IFT172: variants seen among roughly 807,000 people sequenced by gnomAD.
IFT172 encodes intraflagellar transport 172.
Under a neutral mutation model 248.9 loss-of-function variants are expected in IFT172, and 164 were observed. The observed-to-expected ratio is 0.66, with a 90% CI of 0.58 to 0.75. IFT172 has a LOEUF of 0.75. IFT172 is among the 30% of genes least tolerant of loss of function. The probability of loss-of-function intolerance (pLI) is 0.00; values close to 1 mark genes in which losing one functional copy is unlikely to be tolerated. For missense variants in IFT172, 1,950 were observed against 2,192.4 expected, an observed-to-expected ratio of 0.89 and a Z score of 2.21; for synonymous variants, 729 against 791.6, an observed-to-expected ratio of 0.92 and a Z score of 1.33.
Position 27,480,030 on chromosome 2 carries a change from C to T in IFT172, c.905G>A (p.Cys302Tyr), listed in dbSNP as rs1201235224. 1 of 1,613,338 alleles carries T rather than the reference C, an allele frequency of 6.2e-7. No homozygotes were observed. Among genetic ancestry groups the T allele is most frequent in the Non-Finnish European group, 8.5e-7 (1 of 1,179,664 alleles). The change falls in exon 9 of 48, where the codon TGT (cysteine) becomes TAT (tyrosine). Residue 302 changes from cysteine to tyrosine, a missense_variant. Coordinates refer to ENST00000260570, the MANE Select transcript of IFT172 (RefSeq NM_015662.3). ...LAWKRDGSRL[C>Y]VGTLCGGVEQ... is the part of the protein sequence containing the mutation. Reference sequence around the variant, plus strand: ...AAGGGATTACTAGTAACACACCACACAGAGCCGTGAGCCATCCCGCTTCCA... The same window carrying T: ...AAGGGATTACTAGTAACACACCACATAGAGCCGTGAGCCATCCCGCTTCCA...
Position 27,465,837 on chromosome 2 carries a change from T to A in IFT172, c.1738A>T (p.Met580Leu). 6.2e-7 allele frequency: 1 copy of A among 1,614,004 alleles called. No homozygotes were observed. Among genetic ancestry groups the A allele is most frequent in the Non-Finnish European group, 8.5e-7 (1 of 1,179,968 alleles). ...LERGGGKTEV[M>L]VMEGVTTVAY... ...ACAGTAGTCACACCTTCCATCACCA[T>A]CACCTCGGTCTTTCCCCCGCCCCGC... Residue 580 changes from methionine to leucine, a missense_variant, in exon 17 of 48, where the codon ATG becomes TTG. Coordinates refer to ENST00000260570, the MANE Select transcript of IFT172 (RefSeq NM_015662.3).
At chr2:27,484,036 C>T in intron 4 of IFT172, 99 bp from the exon 5 acceptor site, 1 of 1,298,222 alleles carries the variant, frequency 7.7e-7, no homozygotes, top group Non-Finnish European at 1.1e-6. Context: ...ACCTCAATCT[C>T]CTATAGGGAA....
At chr2:27,453,298 G>C (rs1303101159) in intron 35 of IFT172, 86 bp downstream of exon 35, 1 of 1,510,994 alleles carries the variant, frequency 6.6e-7, no homozygotes, top group East Asian at 2.3e-5. Flanking sequence ...GACACAAGAG[G>C]AAAGAGCTGA....
chr2:27,485,602 C>T, intron 1 of IFT172, 99 bp from the exon 2 acceptor site: 1 of 1,383,814 alleles, frequency 7.2e-7, no homozygotes, highest in Non-Finnish European at 9.9e-7. Context: ...GGTCAATTTT[C>T]TTCCTGTCAC....
At position 27,450,102 on chromosome 2, in the gene IFT172, T is replaced by C. The variant is rs908057940; in HGVS notation, c.3952-6A>G. 3 of 1,605,666 alleles carry C rather than the reference T, an allele frequency of 1.9e-6. No individual in the cohort carries two copies. Among genetic ancestry groups the C allele is most frequent in the South Asian group, 2.2e-5 (2 of 90,898 alleles). On this transcript the variant is annotated splice_polypyrimidine_tract_variant and splice_region_variant and intron_variant, in intron 35 of 47. Transcript: ENST00000260570. The stretch of plus-strand genomic sequence containing the variant: ...TTGATGGAGAGTTCAGCTGCCTGAG[T>C]GGTTGAACAGAAGATGGAAATGGGT...
chr2:27,476,848 G>T (rs1433045222), intron 13 of IFT172, 122 bp from the exon 14 acceptor site: 2 of 652,978 alleles, frequency 3.1e-6, no homozygotes, highest in Non-Finnish European at 5.4e-6. Flanking sequence ...TTGAGACAGG[G>T]TCTCACTCTG....
At chr2:27,451,212 C>A (rs1297323518) in intron 35 of IFT172, among the ~76,000 whole-genome samples, 1 of 152,164 alleles carries the variant, frequency 6.6e-6, no homozygotes, top group Non-Finnish European at 1.5e-5. Context: ...TTATGCTAAT[C>A]CCCTCTGGTC....
Position 27,473,323 on chromosome 2 carries a change from T to C in IFT172, c.1412-961A>G, listed in dbSNP as rs1667713333. Reference sequence around the variant, plus strand: ...AGGCAGAGCTTGCAGTGAGCTGAGATCGCGCCACTTCACTCCAGCCTGGAT... The same window carrying C: ...AGGCAGAGCTTGCAGTGAGCTGAGACCGCGCCACTTCACTCCAGCCTGGAT... On this transcript the variant is annotated intron_variant, in intron 14 of 47. Transcript: ENST00000260570. 3.0e-5 allele frequency among the ~76,000 whole-genome samples: 4 copies of C among 132,888 alleles called. No homozygotes were observed. In the Admixed American group the frequency reaches 3.4e-4, roughly 11 times the overall value. The allele number at this position is 132,888 out of a possible 152,430, so 87.2% of individuals were successfully genotyped here. A position where few individuals can be genotyped will look rare whatever the true frequency, so the allele number is the denominator to read the frequency against.
rs1193759615 is a variant in IFT172 at position 27,477,309 on chromosome 2, G to T, written c.1233C>A (p.Ile411=). The T allele has an allele frequency of 6.2e-7, 1 of 1,613,946 alleles. No individual in the cohort carries two copies. The change falls in exon 13 of 48, where the codon ATC becomes ATA. Residue 411 remains isoleucine (I), a synonymous_variant. Coordinates refer to ENST00000260570, the MANE Select transcript of IFT172 (RefSeq NM_015662.3). ...CCAGGGTTAGCTCTCCGGCATTGAA[G>T]ATCATGCATACCTGGGAAAAATGGA... The part of the protein sequence containing the change: ...YFFENENVCM[I]FNAGELTLVE...
chr2:27,448,941 G>C lies in IFT172; in HGVS notation c.4402C>G (p.Gln1468Glu). The change falls in exon 40 of 48, where the codon CAG (glutamine) becomes GAG (glutamate). Residue 1468 changes from glutamine (Q) to glutamate (E), a missense_variant. Physicochemically the swap from Gln to Glu is conservative, Grantham distance 29 (BLOSUM62 2). Transcript: ENST00000260570. Reference protein sequence around the residue: ...SSAQALALYVQHGAPANPQNF... With the variant: ...SSAQALALYVEHGAPANPQNF... ...TGTGGGTTAGCAGGGGCTCCGTGCT[G>C]TACATACAGGGCCAATGCCTGGGCA... 6.3e-7 allele frequency: 1 copy of C among 1,598,096 alleles called. No individual in the cohort carries two copies. The highest frequency in any genetic ancestry group is 8.6e-7 in the Non-Finnish European group (1 of 1,165,232).
In IFT172 at chr2:27,480,167, G is replaced by A. The variant is rs773491435; in HGVS notation, c.786-18C>T. ...CCCGAAGCCTGAAATAAAGTATGTG[G>A]CTTTTAGAAGAGATTGAGGCTGAGC... On this transcript the variant is annotated intron_variant, in intron 8 of 47. Coordinates refer to ENST00000260570, the MANE Select transcript of IFT172 (RefSeq NM_015662.3). 2.5e-6 allele frequency: 4 copies of A among 1,610,334 alleles called. No individual in the cohort carries two copies. The highest frequency in any genetic ancestry group is 3.3e-4 in the Middle Eastern group (2 of 6,038).
Position 27,453,996 on chromosome 2 carries a change from G to C in IFT172, c.3697C>G (p.Leu1233Val), listed in dbSNP as rs1665943696. The change falls in exon 33 of 48, where the codon CTC (leucine) becomes GTC (valine). Residue 1233 changes from leucine to valine, a missense_variant. By Grantham distance (32) the Leu-to-Val change is conservative. Coordinates refer to ENST00000260570, the MANE Select transcript of IFT172 (RefSeq NM_015662.3). ...CAGTGCCCCACCTTATAATAATTGA[G>C]GGCCAGGCCTGGTCTCTGGGCCCGG... ...LLRAQRPGLA[L>V]NYYKEAGLWS... 6.2e-7 allele frequency: 1 copy of C among 1,610,624 alleles called. No homozygotes were observed. Among genetic ancestry groups the C allele is most frequent in the Non-Finnish European group, 8.5e-7 (1 of 1,179,324 alleles).
At chr2:27,480,785 G>A (rs982073424) in intron 8 of IFT172, among the ~76,000 whole-genome samples, 3 of 152,142 alleles carry the variant, frequency 2.0e-5, no homozygotes. Flanking sequence ...CGGTCTCAAA[G>A]GGGGCAATGG....
At position 27,461,450 on chromosome 2, in the gene IFT172, T is replaced by G; in HGVS notation, c.2261A>C (p.Glu754Ala). The change falls in exon 22 of 48, where the codon GAG becomes GCG. Residue 754 changes from glutamate to alanine, a missense_variant. Transcript: ENST00000260570. ...GCTCTCCTGTAGTTCACCTGCTCGC[T>G]CCTCTTGCTGTGTGTCCATCAGCCA... ...YQWLMDTQQE[E>A]RAGELQESQG... 1 of 1,614,116 alleles carries G rather than the reference T, an allele frequency of 6.2e-7. No homozygotes were observed. Among genetic ancestry groups the G allele is most frequent in the Non-Finnish European group, 8.5e-7 (1 of 1,180,002 alleles).
intron 15 of IFT172, chr2:27,471,827 C>G (rs192618352): frequency 9.1e-6 from 2 of 220,710 alleles, no homozygotes; most frequent in African/African-American, 4.6e-5. Flanking sequence ...GCCAGGAGGT[C>G]AGGAGTTCGA....
chr2:27,458,149 C>G lies in IFT172; in HGVS notation c.2952G>C (p.Gln984His). 3 of 1,614,172 alleles carry G rather than the reference C, an allele frequency of 1.9e-6. No individual in the cohort carries two copies. The highest frequency in any genetic ancestry group is 2.5e-6 in the Non-Finnish European group (3 of 1,180,032). Residue 984 changes from glutamine to histidine, a missense_variant, in exon 27 of 48, where the codon CAG becomes CAC. Gln to His is a conservative substitution (Grantham distance 24). Coordinates refer to ENST00000260570, the MANE Select transcript of IFT172 (RefSeq NM_015662.3). ...YITQAQEMEK[Q>H]GKYREAERLY... ...ACCTTTCAGCCTCACGGTACTTGCC[C>G]TGCTTCTCCATTTCCTGGGCCTGAG...
rs779152335 is a variant in IFT172 at position 27,472,261 on chromosome 2, G to A, written c.1513C>T (p.Arg505Trp). 39 of 1,613,436 alleles carry A rather than the reference G, an allele frequency of 2.4e-5. No homozygotes were observed. In the East Asian group the frequency reaches 3.6e-4, roughly 15 times the overall value. ...ETGHKLLFRDRKLRLHLYDIE... is the reference protein window; with the variant it reads ...ETGHKLLFRDWKLRLHLYDIE... ...GTAGCTCTTCTCACACGAAGTTTCC[G>A]GTCCCTGAAGAGGAGCTTGTGTCCA... The change falls in exon 15 of 48, where the codon CGG (arginine) becomes TGG (tryptophan). Residue 505 changes from arginine (R) to tryptophan (W), a missense_variant. By Grantham distance (101) the Arg-to-Trp change is moderately radical. This residue lies in a region of IFT172 where 1,166 missense variants were observed against 1,254.1 expected (regional missense o/e 0.93). Transcript: ENST00000260570.
Position 27,445,097 on chromosome 2 carries a change from T to C in IFT172, c.5077A>G (p.Ile1693Val). 5 of 1,613,998 alleles carry C rather than the reference T, an allele frequency of 3.1e-6. No individual in the cohort carries two copies. The highest frequency in any genetic ancestry group is 4.2e-6 in the Non-Finnish European group (5 of 1,180,000). Residue 1693 changes from isoleucine to valine, a missense_variant, in exon 47 of 48, where the codon ATT (isoleucine) becomes GTT (valine). Coordinates refer to ENST00000260570, the MANE Select transcript of IFT172 (RefSeq NM_015662.3). This position sits in a 1 kb window ranked among gnomAD's most constrained non-coding sequence, Gnocchi z 4.4. ...TTAAATTCAATTTTGTTCCTCAGAA[T>C]GGGGTATCCTGTGGAGGAAGAAAAA... ...ALPCLITGYPILRNKIEFKRP... is the reference protein window; with the variant it reads ...ALPCLITGYPVLRNKIEFKRP...
Position 27,470,913 on chromosome 2 carries a change from T to TG in IFT172, c.1692+14_1692+15insC, listed in dbSNP as rs1178151614. On this transcript the variant is annotated intron_variant, in intron 16 of 47. Coordinates refer to ENST00000260570, the MANE Select transcript of IFT172 (RefSeq NM_015662.3). ...GCTCAATACCACATCTGAGGGCCCC[T>TG]AGTGTCCAACATACCCTAATAGTGA... 1 of 1,571,472 alleles carries TG rather than the reference T, an allele frequency of 6.4e-7. No individual in the cohort carries two copies. The highest frequency in any genetic ancestry group is 8.6e-7 in the Non-Finnish European group (1 of 1,162,062).
Sources: allele counts gnomAD v4.1 joint callset (sites outside exome capture counted in the v4.1 genomes callset), GRCh38; gene constraint gnomAD v4.1.1; regional missense constraint gnomAD v4.1.1; non-coding constraint Gnocchi (gnomAD v3.1); transcripts MANE v1.5; gene names NCBI Gene and HGNC (gene_info 2026-07-23, HGNC 2026-07-21).